The following KIF1A variants were observed in gnomAD, a reference collection of about 807,000 sequenced individuals.
KIF1A encodes the protein kinesin-like protein KIF1A.
In KIF1A, 46 loss-of-function variants were observed where a neutral mutation model predicts 227.3. That is an observed-to-expected ratio of 0.20 (90% confidence interval 0.16 to 0.26). The LOEUF (loss-of-function observed/expected upper bound fraction) is 0.26, where lower values mean the gene tolerates loss of function less well. KIF1A is among the 10% of genes least tolerant of loss of function. KIF1A has a pLI of 1.00. For synonymous variants in KIF1A, 1,022 were observed against 1,012.8 expected (o/e 1.01, Z -0.17); for missense variants, 1,683 against 2,485.9 (o/e 0.68, Z 6.87).
At chr2:240,776,791 G>A in intron 10 of KIF1A, among the ~76,000 whole-genome samples, 1 of 152,190 alleles carries the variant, frequency 6.6e-6, no homozygotes, top group East Asian at 1.9e-4. Flanking sequence ...CTCAAGGGCT[G>A]GGAGCACACA....
Position 240,775,919 on chromosome 2 carries a change from T to C in KIF1A, c.890A>G (p.Lys297Arg), listed in dbSNP as rs1250934752. The C allele has an allele frequency of 2.5e-6, 4 of 1,609,472 alleles. No individual in the cohort carries two copies. The highest frequency in any genetic ancestry group is 3.4e-6 in the Non-Finnish European group (4 of 1,175,826). The change falls in exon 11 of 49, where the codon AAA becomes AGA. Residue 297 changes from lysine (K) to arginine (R), a missense_variant. Lys to Arg is a conservative substitution (Grantham distance 26). Around this residue, in one of 12 missense-constraint regions of KIF1A, gnomAD observed 15 missense variants for 16.1 expected, o/e 0.93. Transcript: ENST00000498729. This position sits in a 1 kb window ranked among gnomAD's most constrained non-coding sequence, Gnocchi z 5.5. ...EMDSGPNKNKKKKKTDFIPYR... is the reference protein window; with the variant it reads ...EMDSGPNKNKRKKKTDFIPYR... ...CGGAATGAAATCTGTCTTCTTCTTT[T>C]TCTTGTTCTGTGGGGGAGGAACATT...
intron 38 of KIF1A, among the ~76,000 whole-genome samples, chr2:240,731,589 G>A (rs1203928712): frequency 6.6e-6 from 1 of 152,194 alleles, no homozygotes; most frequent in Admixed American, 6.5e-5. Context: ...GACCAGATCT[G>A]GCCTCAGAGG....
chr2:240,781,623 T>G (rs1196239660), intron 10 of KIF1A, among the ~76,000 whole-genome samples: 5 of 151,930 alleles, frequency 3.3e-5, no homozygotes, highest in African/African-American at 1.2e-4. Context: ...CACGCGGTTA[T>G]CACCGCTCCT....
rs1203557038 is a variant in KIF1A at position 240,797,635 on chromosome 2, G to A, written c.106+12C>T. On this transcript the variant is annotated intron_variant, in intron 2 of 48. Transcript: ENST00000498729. ...CATGGCCGACCCCGATGCTGTGCAG[G>A]CTGATACTCACTGGTGGTGCTTCCA... 3.2e-6 allele frequency: 5 copies of A among 1,581,872 alleles called. No homozygotes were observed. The highest frequency in any genetic ancestry group is 4.3e-6 in the Non-Finnish European group (5 of 1,152,898).
chr2:240,769,959 T>C lies in KIF1A; in HGVS notation c.1342-253A>G, dbSNP rs948272005. On this transcript the variant is annotated intron_variant, in intron 15 of 48. Coordinates refer to ENST00000498729, the MANE Select transcript of KIF1A (RefSeq NM_001244008.2). ...AAGAGAAGCAAATGCTCCTGGGAGA[T>C]TCTGAGCCTCGGCTCCTAAAGCACA... is the stretch of plus-strand genomic sequence containing the variant. Among the ~76,000 whole-genome samples, 9 of 152,314 alleles carry C rather than the reference T, an allele frequency of 5.9e-5. No homozygotes were observed. In the East Asian group the frequency reaches 1.7e-3, roughly 29 times the overall value.
chr2:240,718,361 G>A (rs921191039), intron 47 of KIF1A, among the ~76,000 whole-genome samples, 193 bp from the exon 48 acceptor site: 2 of 152,214 alleles, frequency 1.3e-5, no homozygotes, highest in African/African-American at 4.8e-5. Flanking sequence ...ATCTGCGGCC[G>A]GTGGTCCCAG....
Position 240,737,023 on chromosome 2 carries a change from A to G in KIF1A, c.4007+40T>C, listed in dbSNP as rs759505263. The stretch of plus-strand genomic sequence containing the variant: ...TGGCTGAGGGCCTGGCAGGCTGGGA[A>G]CATGCCCTGGGCCCTGTCTCCAGGG... On this transcript the variant is annotated intron_variant, in intron 38 of 48. Coordinates refer to ENST00000498729, the MANE Select transcript of KIF1A (RefSeq NM_001244008.2). The G allele has an allele frequency of 9.2e-5, 139 of 1,518,232 alleles. 1 individual carries two copies. The highest frequency in any genetic ancestry group is 1.2e-4 in the Non-Finnish European group (134 of 1,094,686). The allele number at this position is 1,518,232 out of a possible 1,614,324, so 94.0% of individuals were successfully genotyped here.
chr2:240,800,142 ACAC>A (rs1360622064), intron 1 of KIF1A, among the ~76,000 whole-genome samples: 12 of 151,366 alleles, frequency 7.9e-5, no homozygotes, highest in African/African-American at 2.9e-4. Flanking sequence ...ACACACACAC[ACAC>A]ACTAAAGAAA....
intron 1 of KIF1A, among the ~76,000 whole-genome samples, chr2:240,807,233 C>G (rs937591735): frequency 1.3e-4 from 20 of 151,624 alleles, no homozygotes; most frequent in African/African-American, 4.8e-4. Context: ...GCAACCTCTG[C>G]CTCCCGGGTT....
At chr2:240,798,723 C>A (rs2056677616) in intron 1 of KIF1A, among the ~76,000 whole-genome samples, 1 of 152,244 alleles carries the variant, frequency 6.6e-6, no homozygotes, top group Admixed American at 6.5e-5. Flanking sequence ...GATGCTGCTG[C>A]TTCCCCGTGG....
chr2:240,754,018 A>G (rs887272764), intron 27 of KIF1A, among the ~76,000 whole-genome samples: 14 of 152,128 alleles, frequency 9.2e-5, no homozygotes, highest in African/African-American at 3.4e-4. Context: ...ATCACAGCTG[A>G]TTGATTAAGC....
At chr2:240,761,160 C>T (rs886396881) in intron 24 of KIF1A, 69 bp downstream of exon 24, 4 of 1,512,038 alleles carry the variant, frequency 2.6e-6, no homozygotes, top group Non-Finnish European at 2.7e-6. Context: ...TCCCAAGTAG[C>T]TGTCCCCGTC....
intron 6 of KIF1A, among the ~76,000 whole-genome samples, chr2:240,785,957 G>A (rs547676712): frequency 2.3e-4 from 35 of 152,262 alleles, no homozygotes; most frequent in Non-Finnish European, 3.4e-4. Flanking sequence ...CACTGCAGCC[G>A]ACCCTCCCCA....
At position 240,784,984 on chromosome 2, in the gene KIF1A, C is replaced by T. The variant is rs377502239; in HGVS notation, c.720+5G>A. On this transcript the variant is annotated splice_donor_5th_base_variant and intron_variant, in intron 7 of 48. Transcript: ENST00000498729. ...GTGGCACCGCCTGTGAGGCCACTCA[C>T]TCACCTTCTCCGTGGTGATATTGGT... The T allele has an allele frequency of 4.0e-5, 64 of 1,611,284 alleles. No homozygotes were observed. The African/African-American group carries it at 8.0e-4, about 20-fold the overall frequency.
In KIF1A at chr2:240,742,997, G is replaced by A. The variant is rs748533466; in HGVS notation, c.3585-13C>T. The A allele has an allele frequency of 4.4e-6, 7 of 1,604,772 alleles. No individual in the cohort carries two copies. The highest frequency in any genetic ancestry group is 6.0e-6 in the Non-Finnish European group (7 of 1,174,844). ...GGGCCTCAGGGGGCTGTGGAGAAAG[G>A]ACCAGTGTGAGGTGTTTGCGGGACC... On this transcript the variant is annotated splice_polypyrimidine_tract_variant and intron_variant, in intron 33 of 48. Transcript: ENST00000498729.
At chr2:240,817,161 A>C (rs2058388179) in intron 1 of KIF1A, among the ~76,000 whole-genome samples, 1 of 152,138 alleles carries the variant, frequency 6.6e-6, no homozygotes, top group African/African-American at 2.4e-5. Flanking sequence ...GGAGGCCACC[A>C]CCTAAGGGGC....
chr2:240,718,629 G>A (rs940013601), intron 47 of KIF1A, among the ~76,000 whole-genome samples: 1 of 152,270 alleles, frequency 6.6e-6, no homozygotes, highest in Non-Finnish European at 1.5e-5. Context: ...GCTGGGCAGA[G>A]TGGGGGCAGG....
intron 33 of KIF1A, among the ~76,000 whole-genome samples, chr2:240,743,548 C>T (rs984693706): frequency 1.8e-4 from 28 of 152,288 alleles, no homozygotes; most frequent in African/African-American, 6.0e-4. Flanking sequence ...CAGGAGGCTG[C>T]GTGGACTGAG....
At position 240,814,244 on chromosome 2, in the gene KIF1A, A is replaced by G. The variant is rs143188805; in HGVS notation, c.-61+5878T>C. On this transcript the variant is annotated intron_variant, in intron 1 of 48. Coordinates refer to ENST00000498729, the MANE Select transcript of KIF1A (RefSeq NM_001244008.2). ...GAACCCCATCCTTACACCCGTCGACATGAAGTTAGAACACCAAGGAAAAGA... is the reference window on the plus strand; with the variant it reads ...GAACCCCATCCTTACACCCGTCGACGTGAAGTTAGAACACCAAGGAAAAGA... 3.9e-3 allele frequency among the ~76,000 whole-genome samples: 591 copies of G among 152,232 alleles called. 5 individuals carry two copies. Among genetic ancestry groups the G allele is most frequent in the African/African-American group, 0.013 (558 of 41,564 alleles).
Sources: allele counts gnomAD v4.1 joint callset (sites outside exome capture counted in the v4.1 genomes callset), GRCh38; gene constraint gnomAD v4.1.1; regional missense constraint gnomAD v4.1.1; non-coding constraint Gnocchi (gnomAD v3.1); transcripts MANE v1.5; gene names NCBI Gene and HGNC (gene_info 2026-07-23, HGNC 2026-07-21).